NFIB: variants seen among roughly 807,000 people sequenced by gnomAD.
The protein encoded by NFIB is nuclear factor 1 B-type.
A neutral mutation model predicts 61.5 loss-of-function variants in NFIB; 11 were observed. The observed-to-expected ratio is 0.18, with a 90% CI of 0.11 to 0.30. The LOEUF is 0.30. Ranked by LOEUF, NFIB falls within the 10% of genes least tolerant of loss-of-function variation. NFIB has a pLI of 1.00. For synonymous variants in NFIB, 260 were observed against 216.5 expected (o/e 1.20, Z -1.76); for missense variants, 471 against 608.9 (o/e 0.77, Z 2.38).
At chr9:14,291,945 T>C (rs568842500) in intron 2 of NFIB, among the ~76,000 whole-genome samples, 45 of 152,310 alleles carry the variant, frequency 3.0e-4, no homozygotes, top group Non-Finnish European at 5.0e-4. Context: ...ATTTAGTGTA[T>C]CTTCCATCCA....
intron 3 of NFIB, among the ~76,000 whole-genome samples, chr9:14,173,406 A>G (rs1203727118): frequency 6.6e-6 from 1 of 152,184 alleles, no homozygotes; most frequent in Non-Finnish European, 1.5e-5. Context: ...TTTAGTCTTT[A>G]TCTTAAATAT....
intron 2 of NFIB, among the ~76,000 whole-genome samples, chr9:14,242,464 T>G (rs2132050010): frequency 6.6e-6 from 1 of 152,318 alleles, no homozygotes; most frequent in African/African-American, 2.4e-5. Context: ...ATCTCTCCCC[T>G]TGTTCTATAC....
At chr9:14,137,563 T>C (rs919170062) in intron 6 of NFIB, among the ~76,000 whole-genome samples, 1 of 152,126 alleles carries the variant, frequency 6.6e-6, no homozygotes, top group Non-Finnish European at 1.5e-5. Context: ...TACAACTTTG[T>C]TATTTTACAG....
chr9:14,154,651 C>T (rs1239967398), intron 4 of NFIB, among the ~76,000 whole-genome samples: 1 of 152,124 alleles, frequency 6.6e-6, no homozygotes, highest in Non-Finnish European at 1.5e-5. Flanking sequence ...TGTAAAAAGA[C>T]CCATGAGAGA....
chr9:14,145,527 T>G (rs951007446), intron 6 of NFIB, among the ~76,000 whole-genome samples: 1 of 152,126 alleles, frequency 6.6e-6, no homozygotes, highest in African/African-American at 2.4e-5. Context: ...AGAACTGACT[T>G]TGGCCTTAAC....
intron 2 of NFIB, among the ~76,000 whole-genome samples, chr9:14,203,139 T>C (rs896876003): frequency 6.6e-6 from 1 of 151,512 alleles, no homozygotes; most frequent in South Asian, 2.1e-4. Context: ...TTGCATGCTT[T>C]AGAAGCCAAA....
intron 2 of NFIB, among the ~76,000 whole-genome samples, chr9:14,183,627 ACTC>A (rs368312170): frequency 3.2e-4 from 49 of 150,870 alleles, no homozygotes; most frequent in African/African-American, 1.1e-3. Context: ...CTGGTCTTGA[ACTC>A]CTGGCCTGAA....
chr9:14,263,073 G>T lies in NFIB; in HGVS notation c.562+43916C>A, dbSNP rs557178845. Among the ~76,000 whole-genome samples, 12 of 152,244 alleles carry T rather than the reference G, an allele frequency of 7.9e-5. No individual in the cohort carries two copies. In the South Asian group the frequency reaches 2.1e-3, roughly 26 times the overall value. ...AAGTACTGCGGCATGCACATATCCT[G>T]CCATATTGTTTAAACATCTGGCTCA... On this transcript the variant is annotated intron_variant, in intron 2 of 10. Transcript: ENST00000380953.
chr9:14,529,235 C>T, the NFIB span, among the ~76,000 whole-genome samples: 1 of 152,124 alleles, frequency 6.6e-6, no homozygotes, highest in Admixed American at 6.5e-5. Context: ...GGCTTTTTCC[C>T]TGTCAAGTAG....
intron 8 of NFIB, among the ~76,000 whole-genome samples, chr9:14,119,171 T>G (rs947562934): frequency 6.6e-6 from 1 of 152,152 alleles, no homozygotes; most frequent in East Asian, 1.9e-4. Flanking sequence ...AGCAAAATGC[T>G]CTATGGAACT....
At chr9:14,523,187 C>G in the NFIB span, among the ~76,000 whole-genome samples, 1 of 151,954 alleles carries the variant, frequency 6.6e-6, no homozygotes, top group Non-Finnish European at 1.5e-5. Flanking sequence ...GGTGACTTTT[C>G]GGGCTCTGGA....
intron 2 of NFIB, among the ~76,000 whole-genome samples, chr9:14,299,012 G>A (rs2059605772): frequency 6.6e-6 from 1 of 152,122 alleles, no homozygotes; most frequent in Non-Finnish European, 1.5e-5. Context: ...GCAGATGTCA[G>A]AATAATAAAA....
rs955633095 is a variant in NFIB, at chr9:14,120,797, C to T, written c.1061-173G>A. Among the ~76,000 whole-genome samples, 1 of 152,136 alleles carries T rather than the reference C, an allele frequency of 6.6e-6. No homozygotes were observed. Among genetic ancestry groups the T allele is most frequent in the African/African-American group, 2.4e-5 (1 of 41,424 alleles). ...TACTTTTTCATTTTTATTCTCAACA[C>T]CAGTACGGCTAACTACACAGAGATA... On this transcript the variant is annotated intron_variant, in intron 7 of 10. Transcript: ENST00000380953. This position sits in a 1 kb window ranked among gnomAD's most constrained non-coding sequence, Gnocchi z 4.4.
the NFIB span, among the ~76,000 whole-genome samples, chr9:14,428,405 G>C: frequency 6.6e-6 from 1 of 152,124 alleles, no homozygotes; most frequent in African/African-American, 2.4e-5. Context: ...AAATGGCTCA[G>C]GTCGGAGCCT....
chr9:14,083,164 G>A lies in NFIB; in HGVS notation c.*5145C>T, dbSNP rs780924789. ...GCAACAAAAAATGTAAAAATTGACC[G>A]TCTCCAACTTGTCCCCTTTACTATT... On this transcript the variant is annotated 3_prime_UTR_variant, in exon 11 of 11. Transcript: ENST00000380953. 2.7e-4 allele frequency: 58 copies of A among 216,578 alleles called. No homozygotes were observed. Among genetic ancestry groups the A allele is most frequent in the African/African-American group, 1.1e-3 (47 of 43,942 alleles). 13.4% of individuals were successfully genotyped at this position (216,578 alleles called of 1,614,324 possible).
intron 2 of NFIB, among the ~76,000 whole-genome samples, chr9:14,297,703 G>A (rs1470138412): frequency 1.3e-5 from 2 of 152,194 alleles, no homozygotes; most frequent in Non-Finnish European, 2.9e-5. Context: ...GTAAGGAAAT[G>A]TACATTTTAA....
At chr9:14,282,071 CAAG>C (rs1208310515) in intron 2 of NFIB, among the ~76,000 whole-genome samples, 1 of 152,116 alleles carries the variant, frequency 6.6e-6, no homozygotes, top group African/African-American at 2.4e-5. Flanking sequence ...ACTCAGGGGG[CAAG>C]AAGAATTGCA....
intron 2 of NFIB, among the ~76,000 whole-genome samples, chr9:14,248,978 A>G (rs2055265489): frequency 6.6e-6 from 1 of 152,192 alleles, no homozygotes; most frequent in East Asian, 1.9e-4. Flanking sequence ...CCTGCAGATA[A>G]ACTGGACTTT....
chr9:14,200,316 T>C (rs2048896513), intron 2 of NFIB, among the ~76,000 whole-genome samples: 1 of 152,156 alleles, frequency 6.6e-6, no homozygotes, highest in African/African-American at 2.4e-5. Context: ...CATCAGAAGT[T>C]TCTTAAAGTC....
Sources: gnomAD v4.1 joint callset for allele counts (sites outside exome capture counted in the v4.1 genomes callset) on GRCh38, gnomAD v4.1.1 for gene constraint, Gnocchi (gnomAD v3.1) non-coding constraint, MANE v1.5 for transcripts, NCBI Gene and HGNC (gene_info 2026-07-23, HGNC 2026-07-21) for gene names.